RASSF1: variants seen among roughly 807,000 people sequenced by gnomAD.
RASSF1 encodes the protein ras association domain-containing protein 1.
A neutral mutation model predicts 34.3 loss-of-function variants in RASSF1; 33 were observed. The observed-to-expected ratio is 0.96, with a 90% CI of 0.73 to 1.29. The LOEUF is 1.29. RASSF1 is among the 50% of genes most tolerant of loss of function. The pLI, the probability that RASSF1 is intolerant of heterozygous loss-of-function variation, is 0.00. For synonymous variants in RASSF1, 191 were observed against 195.0 expected, an observed-to-expected ratio of 0.98 and a Z score of 0.17; for missense variants, 445 against 471.8, an observed-to-expected ratio of 0.94 and a Z score of 0.53.
chr3:50,332,390 G>A (rs890625878), intron 2 of RASSF1, among the ~76,000 whole-genome samples: 1 of 152,230 alleles, frequency 6.6e-6, no homozygotes, highest in African/African-American at 2.4e-5. Flanking sequence ...TAGGGCCTCA[G>A]CACTGAATGT....
At position 50,332,173 on chromosome 3, in the gene RASSF1, T is replaced by A; in HGVS notation, c.358-19A>T. 20 of 1,610,134 alleles carry A rather than the reference T, an allele frequency of 1.2e-5. No individual in the cohort carries two copies. The highest frequency in any genetic ancestry group is 1.6e-5 in the Non-Finnish European group (19 of 1,176,456). ...GCTCGTCCTGCAAGATGGGCCAGCA[T>A]GGACACAGGGCCCTTGAGGAACCCA... On this transcript the variant is annotated intron_variant, in intron 2 of 5. Coordinates refer to ENST00000359365, the MANE Select transcript of RASSF1 (RefSeq NM_007182.5).
At chr3:50,337,859 C>T in intron 2 of RASSF1, 46 bp downstream of exon 2, 2 of 1,497,924 alleles carry the variant, frequency 1.3e-6, no homozygotes, top group Non-Finnish European at 1.8e-6. Flanking sequence ...TGCACTGTGG[C>T]CTGCCCATCC....
At chr3:50,339,404 C>T (rs1273323008) in intron 1 of RASSF1, among the ~76,000 whole-genome samples, 1 of 133,188 alleles carries the variant, frequency 7.5e-6, no homozygotes, top group Non-Finnish European at 1.5e-5. Context: ...CTCACTCTGT[C>T]GCCAAGGCTG....
intron 2 of RASSF1, among the ~76,000 whole-genome samples, chr3:50,333,313 C>G (rs1457490159): frequency 6.6e-6 from 1 of 152,164 alleles, no homozygotes; most frequent in Non-Finnish European, 1.5e-5. Context: ...AGCCAGTTCT[C>G]CATGTCTCAC....
In RASSF1 at chr3:50,340,595, A is replaced by T; in HGVS notation, c.211T>A (p.Phe71Ile). ...THTWCDLCGDFIWGVVRKGLQ... is the reference protein window; with the variant it reads ...THTWCDLCGDIIWGVVRKGLQ... ...CCTTTGCGCACGACGCCCCAGATGAAGTCGCCACAGAGGTCGCACCACGTG... is the reference window on the plus strand; with the variant it reads ...CCTTTGCGCACGACGCCCCAGATGATGTCGCCACAGAGGTCGCACCACGTG... The change falls in exon 1 of 6, where the codon TTC (phenylalanine) becomes ATC (isoleucine). Residue 71 changes from phenylalanine to isoleucine, a missense_variant. Phe to Ile is a conservative substitution (Grantham distance 21). Transcript: ENST00000359365. 6.5e-7 allele frequency: 1 copy of T among 1,547,822 alleles called. No individual in the cohort carries two copies. The highest frequency in any genetic ancestry group is 8.6e-7 in the Non-Finnish European group (1 of 1,157,348).
In RASSF1 at chr3:50,330,839, C is replaced by A. The variant is rs1702911596; in HGVS notation, c.877-112G>T. The A allele has an allele frequency of 2.4e-6, 3 of 1,230,934 alleles. No homozygotes were observed. The highest frequency in any genetic ancestry group is 3.4e-6 in the Non-Finnish European group (3 of 894,188). 76.3% of individuals were successfully genotyped at this position (1,230,934 alleles called of 1,614,324 possible). ...TTCACACAAGCTAGGACTGGGCTTTCTGATGTCAGGCTCTTGGCTGAATGA... is the reference window on the plus strand; with the variant it reads ...TTCACACAAGCTAGGACTGGGCTTTATGATGTCAGGCTCTTGGCTGAATGA... On this transcript the variant is annotated intron_variant, in intron 5 of 5. Coordinates refer to ENST00000359365, the MANE Select transcript of RASSF1 (RefSeq NM_007182.5). This position sits in a 1 kb window ranked among gnomAD's most constrained non-coding sequence, Gnocchi z 4.5.
intron 2 of RASSF1, among the ~76,000 whole-genome samples, chr3:50,332,879 G>A (rs1345969599): frequency 6.6e-6 from 1 of 152,124 alleles, no homozygotes; most frequent in Non-Finnish European, 1.5e-5. Flanking sequence ...TGGATCACCT[G>A]AGGTCAGGAG....
At chr3:50,334,265 G>T (rs988574491) in intron 2 of RASSF1, among the ~76,000 whole-genome samples, 5 of 152,336 alleles carry the variant, frequency 3.3e-5, no homozygotes, top group Admixed American at 3.3e-4. Context: ...AAAGGTAAAG[G>T]GGGAGGGGTG....
Position 50,340,620 on chromosome 3 carries a change from G to C in RASSF1, c.186C>G (p.His62Gln). Residue 62 changes from histidine to glutamine, a missense_variant, in exon 1 of 6, where the codon CAC (histidine) becomes CAG (glutamine). His to Gln is a conservative substitution (Grantham distance 24). Coordinates refer to ENST00000359365, the MANE Select transcript of RASSF1 (RefSeq NM_007182.5). The stretch of plus-strand genomic sequence containing the variant: ...AGTCGCCACAGAGGTCGCACCACGT[G>C]TGCGTGGCGGGCCCCGCGGGCTGGA... ...HRFQPAGPATHTWCDLCGDFI... is the reference protein window; with the variant it reads ...HRFQPAGPATQTWCDLCGDFI... 2.0e-6 allele frequency: 3 copies of C among 1,534,718 alleles called. No homozygotes were observed. Among genetic ancestry groups the C allele is most frequent in the Admixed American group, 1.9e-5 (1 of 51,896 alleles).
At chr3:50,331,943 A>G (rs943311340) in intron 3 of RASSF1, 87 bp from the exon 4 acceptor site, 27 of 1,555,076 alleles carry the variant, frequency 1.7e-5, no homozygotes, top group Non-Finnish European at 2.4e-5. Context: ...TGCACAAATT[A>G]CTGCTTGCGC....
rs754918686 is a variant in RASSF1, at chr3:50,331,804, C to T, written c.515G>A (p.Arg172His). ...GFIKVQLKLV[R>H]PVSVPSSKKP... ...CTTGCTGGAGGGCACAGAGACAGGGCGCACCAGCTTCAGCTGAACCTTGAT... is the reference window on the plus strand; with the variant it reads ...CTTGCTGGAGGGCACAGAGACAGGGTGCACCAGCTTCAGCTGAACCTTGAT... The change falls in exon 4 of 6, where the codon CGC becomes CAC. Residue 172 changes from arginine to histidine, a missense_variant. Transcript: ENST00000359365. 8.8e-6 allele frequency: 14 copies of T among 1,595,244 alleles called. No individual in the cohort carries two copies. The highest frequency in any genetic ancestry group is 6.8e-5 in the Admixed American group (4 of 58,896).
At chr3:50,334,564 T>G (rs1473874043) in intron 2 of RASSF1, among the ~76,000 whole-genome samples, 2 of 152,170 alleles carry the variant, frequency 1.3e-5, no homozygotes, top group African/African-American at 4.8e-5. Flanking sequence ...GAAGATCATT[T>G]TGTTTGCAGA....
intron 2 of RASSF1, chr3:50,337,284 G>A (rs760512756): frequency 4.3e-6 from 7 of 1,612,974 alleles, no homozygotes; most frequent in Non-Finnish European, 5.9e-6. Context: ...TGCTGCTCCA[G>A]GTCATTTCGA....
intron 2 of RASSF1, chr3:50,336,957 A>G: frequency 1.6e-6 from 1 of 635,366 alleles, no homozygotes; most frequent in South Asian, 2.0e-5. Flanking sequence ...CCTGTCTGTG[A>G]CAGAAACCAA....
chr3:50,331,653 T>A lies in RASSF1; in HGVS notation c.666A>T (p.Ala222=). ...GCAGCAGGGCCTCAATGACTTCACG[T>A]GCCCTTGTGCGTGACAGCACATGCA... is the stretch of plus-strand genomic sequence containing the variant. ...KHLHVLSRTR[A]REVIEALLRK... The change falls in exon 4 of 6, where the codon GCA becomes GCT. Residue 222 remains alanine (A), a synonymous_variant. Transcript: ENST00000359365. 6.2e-7 allele frequency: 1 copy of A among 1,612,188 alleles called. No homozygotes were observed. Among genetic ancestry groups the A allele is most frequent in the Non-Finnish European group, 8.5e-7 (1 of 1,178,422 alleles).
intron 2 of RASSF1, chr3:50,336,353 TCCTGGTGCCTAGGCCTGGTTCTCTGAG>T (rs1358352641): frequency 6.6e-6 from 1 of 152,256 alleles, no homozygotes; most frequent in Non-Finnish European, 1.5e-5. Flanking sequence ...TGTTTCTTTT[TCCTGGTGCCTAGGCCTGGTTCTCTGAG>T]CCTGGTGGTC....
intron 2 of RASSF1, chr3:50,337,689 C>T (rs912375074): frequency 6.8e-5 from 58 of 855,236 alleles, no homozygotes; most frequent in Non-Finnish European, 1.1e-5. Flanking sequence ...CCTGGGTCAG[C>T]CTGGGCCCGG....
At chr3:50,337,486 T>C (rs183324153) in intron 2 of RASSF1, 135 of 1,541,202 alleles carry the variant, frequency 8.8e-5, no homozygotes, top group African/African-American at 1.5e-4. Context: ...TCTTGTCTCA[T>C]TGGGGCAGGA....
Position 50,332,084 on chromosome 3 carries a change from T to C in RASSF1, c.428A>G (p.Asn143Ser), listed in dbSNP as rs1208552577. Residue 143 changes from asparagine to serine, a missense_variant, in exon 3 of 6, where the codon AAT (asparagine) becomes AGT (serine). By Grantham distance (46) the Asn-to-Ser change is conservative. Transcript: ENST00000359365. ...GAAGAGGTTGCTGTTGATCTGGGCA[T>C]TGTACTCCTTGATCTTCTGCTCAAT... is the stretch of plus-strand genomic sequence containing the variant. ...AEIEQKIKEY[N>S]AQINSNLFMS... The C allele has an allele frequency of 1.2e-6, 2 of 1,614,042 alleles. No homozygotes were observed. Among genetic ancestry groups the C allele is most frequent in the African/African-American group, 2.7e-5 (2 of 74,904 alleles).
Sources: allele counts gnomAD v4.1 joint callset (sites outside exome capture counted in the v4.1 genomes callset), GRCh38; gene constraint gnomAD v4.1.1; non-coding constraint Gnocchi (gnomAD v3.1); transcripts MANE v1.5; gene names NCBI Gene and HGNC (gene_info 2026-07-23, HGNC 2026-07-21).